PGBD1: variants seen among roughly 807,000 people sequenced by gnomAD.
The protein encoded by PGBD1 is piggyBac transposable element-derived protein 1.
A neutral mutation model predicts 34.7 loss-of-function variants in PGBD1; 25 were observed. The observed-to-expected ratio is 0.72, with a 90% CI of 0.52 to 1.00. The LOEUF (loss-of-function observed/expected upper bound fraction) is 1.00, where lower values mean the gene tolerates loss of function less well. PGBD1 is among the 50% of genes least tolerant of loss of function. PGBD1 has a pLI of 0.00. For missense variants in PGBD1, 830 were observed against 959.4 expected (o/e 0.87, Z 1.78); for synonymous variants, 292 against 335.7 (o/e 0.87, Z 1.42).
At position 28,302,040 on chromosome 6, in the gene PGBD1, T is replaced by G; in HGVS notation, c.2186T>G (p.Val729Gly). ...CCTCAGATAAGTCAACCATCCATAG[T>G]AAAAGTGTATGATGAATGCAAGGAA... ...EIPQISQPSI[V>G]KVYDECKEGV... Residue 729 changes from valine to glycine, a missense_variant, in exon 7 of 7, where the codon GTA (valine) becomes GGA (glycine). Val to Gly is a moderately radical substitution (Grantham distance 109). Transcript: ENST00000682144. 6.2e-7 allele frequency: 1 copy of G among 1,614,118 alleles called. No individual in the cohort carries two copies. Among genetic ancestry groups the G allele is most frequent in the Non-Finnish European group, 8.5e-7 (1 of 1,180,020 alleles).
chr6:28,295,556 G>A (rs868713440), intron 4 of PGBD1, among the ~76,000 whole-genome samples: 3 of 152,140 alleles, frequency 2.0e-5, no homozygotes, highest in African/African-American at 4.8e-5. Context: ...AGTCAGCATC[G>A]TTCAACATCG....
intron 6 of PGBD1, 61 bp downstream of exon 6, chr6:28,298,052 CAG>C (rs142036301): frequency 0.013 from 15,048 of 1,183,914 alleles, 461 homozygotes; most frequent in African/African-American, 0.11. Context: ...GGAATGGAAT[CAG>C]AGAAACCAAT....
At position 28,301,210 on chromosome 6, in the gene PGBD1, C is replaced by T. The variant is rs1457642354; in HGVS notation, c.1356C>T (p.Val452=). 6.2e-7 allele frequency: 1 copy of T among 1,613,978 alleles called. No homozygotes were observed. The highest frequency in any genetic ancestry group is 1.3e-5 in the African/African-American group (1 of 74,914). ...YASQKNVSLE[V]TVQEMRCVFG... is the part of the protein sequence containing the mutation. The stretch of plus-strand genomic sequence containing the variant: ...CTCAGAAAAATGTCAGCTTGGAAGT[C>T]ACAGTTCAGGAAATGAGGTGTGTGT... The change falls in exon 7 of 7, where the codon GTC becomes GTT. Residue 452 remains valine, a synonymous_variant. Coordinates refer to ENST00000682144, the MANE Select transcript of PGBD1 (RefSeq NM_032507.4).
At chr6:28,285,230 A>G (rs569645349) in intron 2 of PGBD1, among the ~76,000 whole-genome samples, 1 of 152,276 alleles carries the variant, frequency 6.6e-6, no homozygotes, top group East Asian at 1.9e-4. Flanking sequence ...GTGCGTAGTG[A>G]TGATTTGTCC....
Position 28,302,263 on chromosome 6 carries a change from C to T in PGBD1, c.2409C>T (p.His803=), listed in dbSNP as rs114687796. ...RRFVAHFYLE[H]NAHLSD ...TTGTTGCACATTTCTACTTGGAACA[C>T]AATGCTCATCTGTCAGATTAGGGTA... Residue 803 remains histidine, a synonymous_variant, in exon 7 of 7, where the codon CAC becomes CAT. Transcript: ENST00000682144. 6.8e-6 allele frequency: 11 copies of T among 1,612,426 alleles called. No individual in the cohort carries two copies. In the East Asian group the frequency reaches 2.5e-4, roughly 36 times the overall value.
chr6:28,290,586 A>C (rs976353306), intron 4 of PGBD1, among the ~76,000 whole-genome samples: 1 of 152,340 alleles, frequency 6.6e-6, no homozygotes, highest in South Asian at 2.1e-4. Context: ...ATTAAACTAC[A>C]TGCTAGATCT....
At chr6:28,297,816 GTTTT>G (rs368634720) in intron 5 of PGBD1, 75 bp from the exon 6 acceptor site, 75 of 350,448 alleles carry the variant, frequency 2.1e-4, no homozygotes, top group African/African-American at 7.6e-4. Flanking sequence ...TACCCTGGAA[GTTTT>G]TTTTTTTTTT....
At chr6:28,297,004 C>G in intron 5 of PGBD1, 59 bp downstream of exon 5, 1 of 1,602,066 alleles carries the variant, frequency 6.2e-7, no homozygotes, top group Non-Finnish European at 8.5e-7. Flanking sequence ...GTCACTCACC[C>G]TGGCTTGGCC....
chr6:28,289,990 T>C (rs1194254775), intron 4 of PGBD1, among the ~76,000 whole-genome samples: 1 of 152,246 alleles, frequency 6.6e-6, no homozygotes, highest in Non-Finnish European at 1.5e-5. Context: ...GAAGGTCTTC[T>C]TTGTAAGCCT....
intron 4 of PGBD1, among the ~76,000 whole-genome samples, chr6:28,289,430 T>C (rs1762381678): frequency 6.6e-6 from 1 of 152,108 alleles, no homozygotes; most frequent in Non-Finnish European, 1.5e-5. Flanking sequence ...TTACAAGAAA[T>C]GCTAAAGAAT....
chr6:28,285,611 T>C lies in PGBD1; in HGVS notation c.457T>C (p.Ser153Pro), dbSNP rs570925588. 1 of 1,614,122 alleles carries C rather than the reference T, an allele frequency of 6.2e-7. No individual in the cohort carries two copies. Residue 153 changes from serine to proline, a missense_variant, in exon 3 of 7, where the codon TCT (serine) becomes CCT (proline). Ser to Pro is a moderately conservative substitution (Grantham distance 74). Coordinates refer to ENST00000682144, the MANE Select transcript of PGBD1 (RefSeq NM_032507.4). ...HPMVAEYQGVSLECQSLQLLP... is the reference protein window; with the variant it reads ...HPMVAEYQGVPLECQSLQLLP... ...AATGGTGGCAGAATATCAAGGAGTC[T>C]CTTTGGAGTGTCAGAGCCTCCAGCT...
At position 28,283,687 on chromosome 6, in the gene PGBD1, G is replaced by A; in HGVS notation, c.-38-89G>A. 2.4e-6 allele frequency: 3 copies of A among 1,225,494 alleles called. No individual in the cohort carries two copies. In the South Asian group the frequency reaches 4.9e-5, roughly 20 times the overall value. 75.9% of individuals were successfully genotyped at this position (1,225,494 alleles called of 1,614,324 possible). A position where few individuals can be genotyped will look rare whatever the true frequency, so the allele number is the denominator to read the frequency against. ...CATTACCTACAGTGGGGACAAAAAT[G>A]TAAGTAGGTTACATACAGTTTTGAA... On this transcript the variant is annotated intron_variant, in intron 1 of 6. Transcript: ENST00000682144.
intron 4 of PGBD1, among the ~76,000 whole-genome samples, chr6:28,293,166 C>T (rs1435376920): frequency 2.0e-5 from 3 of 152,158 alleles, no homozygotes; most frequent in Non-Finnish European, 4.4e-5. Flanking sequence ...TGGTCTCGAT[C>T]TCCTGACCTA....
intron 4 of PGBD1, among the ~76,000 whole-genome samples, chr6:28,293,162 C>T (rs576186177): frequency 1.3e-5 from 2 of 152,114 alleles, no homozygotes; most frequent in African/African-American, 2.4e-5. Flanking sequence ...AGGATGGTCT[C>T]GATCTCCTGA....
intron 4 of PGBD1, 57 bp from the exon 5 acceptor site, chr6:28,296,759 A>G (rs1762646158): frequency 1.3e-6 from 2 of 1,599,178 alleles, no homozygotes; most frequent in Non-Finnish European, 8.5e-7. Context: ...ACCCTTCACA[A>G]CTGGATTCCT....
At chr6:28,296,705 G>A (rs1762644914) in intron 4 of PGBD1, 111 bp from the exon 5 acceptor site, 1 of 1,235,392 alleles carries the variant, frequency 8.1e-7, no homozygotes, top group Non-Finnish European at 1.1e-6. Flanking sequence ...TTTACAAAAT[G>A]CCCTGAGGGG....
Position 28,302,388 on chromosome 6 carries a change from G to A in PGBD1, c.*104G>A. Reference sequence around the variant, plus strand: ...AAGTAAATCTGATATATGTAATGAAGTTATTAAATAATACTTTTAAAAATC... The same window carrying A: ...AAGTAAATCTGATATATGTAATGAAATTATTAAATAATACTTTTAAAAATC... On this transcript the variant is annotated 3_prime_UTR_variant, in exon 7 of 7. Transcript: ENST00000682144. The A allele has an allele frequency of 1.8e-6, 2 of 1,139,210 alleles. No individual in the cohort carries two copies. Among genetic ancestry groups the A allele is most frequent in the East Asian group, 2.6e-5 (1 of 38,612 alleles). The allele number at this position is 1,139,210 out of a possible 1,614,324, so 70.6% of individuals were successfully genotyped here.
chr6:28,302,168 A>G lies in PGBD1; in HGVS notation c.2314A>G (p.Asn772Asp). 1 of 1,614,206 alleles carries G rather than the reference A, an allele frequency of 6.2e-7. No individual in the cohort carries two copies. The highest frequency in any genetic ancestry group is 8.5e-7 in the Non-Finnish European group (1 of 1,180,028). The change falls in exon 7 of 7, where the codon AAC becomes GAC. Residue 772 changes from asparagine (N) to aspartate (D), a missense_variant. Physicochemically the swap from Asn to Asp is conservative, Grantham distance 23 (BLOSUM62 1). This residue lies in a region of PGBD1 where 372 missense variants were observed against 427.9 expected (regional missense o/e 0.87). Coordinates refer to ENST00000682144, the MANE Select transcript of PGBD1 (RefSeq NM_032507.4). Reference sequence around the variant, plus strand: ...GAGCTACATGATTGATGTAGCCATGAACAATGCATGGCAACTACACAGAGC... The same window carrying G: ...GAGCTACATGATTGATGTAGCCATGGACAATGCATGGCAACTACACAGAGC... Reference protein sequence around the residue: ...LVSYMIDVAMNNAWQLHRACN... With the variant: ...LVSYMIDVAMDNAWQLHRACN...
chr6:28,295,062 C>T (rs1034182539), intron 4 of PGBD1, among the ~76,000 whole-genome samples: 2 of 152,160 alleles, frequency 1.3e-5, no homozygotes, highest in Non-Finnish European at 2.9e-5. Flanking sequence ...AAAATACCAA[C>T]ATTAACAGGA....
Sources: allele counts gnomAD v4.1 joint callset (sites outside exome capture counted in the v4.1 genomes callset), GRCh38; gene constraint gnomAD v4.1.1; regional missense constraint gnomAD v4.1.1; transcripts MANE v1.5; gene names NCBI Gene and HGNC (gene_info 2026-07-23, HGNC 2026-07-21).